Variants in NUDT19 observed in about 807,000 individuals in gnomAD.
The protein encoded by NUDT19 is nudix hydrolase 19.
NUDT19 carries 31 observed loss-of-function variants against 22.2 expected under a neutral mutation model. That is an observed-to-expected ratio of 1.40 (90% CI 1.05 to 1.89). The LOEUF (loss-of-function observed/expected upper bound fraction) is 1.89, where lower values mean the gene tolerates loss of function less well. Ranked by LOEUF, NUDT19 falls within the 40% of genes most tolerant of loss-of-function variation. The probability of loss-of-function intolerance (pLI) is 0.00; values close to 1 mark genes in which losing one functional copy is unlikely to be tolerated. For missense variants in NUDT19, 752 were observed against 514.2 expected, an observed-to-expected ratio of 1.46 and a Z score of -4.47; for synonymous variants, 325 against 230.8, an observed-to-expected ratio of 1.41 and a Z score of -3.70.
At chr19:32,698,726 G>T (rs867831960) in intron 1 of NUDT19, among the ~76,000 whole-genome samples, 2 of 152,182 alleles carry the variant, frequency 1.3e-5, no homozygotes, top group Admixed American at 1.3e-4. Flanking sequence ...GTCAGATTTC[G>T]TGGCCCTTAC....
At position 32,708,099 on chromosome 19, in the gene NUDT19, A is replaced by G. The variant is rs568378276; in HGVS notation, c.715-1086A>G. On this transcript the variant is annotated intron_variant, in intron 1 of 2. Transcript: ENST00000397061. ...GGGAAGTAGAGGTTGCAGTGAGCCA[A>G]GATTGCGCTACTGCACTCCAGCCTG... is the stretch of plus-strand genomic sequence containing the variant. Among the ~76,000 whole-genome samples, 7 of 150,356 alleles carry G rather than the reference A, an allele frequency of 4.7e-5. No homozygotes were observed. The East Asian group carries it at 1.4e-3, about 31-fold the overall frequency.
At chr19:32,709,143 T>C in intron 1 of NUDT19, 42 bp from the exon 2 acceptor site, 1 of 1,360,092 alleles carries the variant, frequency 7.4e-7, no homozygotes, top group Non-Finnish European at 1.1e-6. Context: ...TCACATTGTC[T>C]ATGGCATAAA....
rs770620811 is a variant in NUDT19, at chr19:32,692,499, G to T, written c.539G>T (p.Arg180Leu). ...CGCCAGGACCCGCGCCACTTCCTGC[G>T]GCTGTGCGCCCACCTCGACTGCACA... ...RVRQDPRHFL[R>L]LCAHLDCTPD... The change falls in exon 1 of 3, where the codon CGG becomes CTG. Residue 180 changes from arginine (R) to leucine (L), a missense_variant. Coordinates refer to ENST00000397061, the MANE Select transcript of NUDT19 (RefSeq NM_001105570.2). 1 of 1,556,280 alleles carries T rather than the reference G, an allele frequency of 6.4e-7. No homozygotes were observed. The highest frequency in any genetic ancestry group is 1.2e-5 in the South Asian group (1 of 85,186).
Position 32,692,007 on chromosome 19 carries a change from C to T in NUDT19, c.47C>T (p.Ala16Val), listed in dbSNP as rs1212312668. The change falls in exon 1 of 3, where the codon GCC becomes GTC. Residue 16 changes from alanine to valine, a missense_variant. Physicochemically the swap from Ala to Val is moderately conservative, Grantham distance 64 (BLOSUM62 0). Transcript: ENST00000397061. ...RPGPSRWRRA[A>V]SIVLAAGWSR... is the part of the protein sequence containing the mutation. Reference sequence around the variant, plus strand: ...GGCCCCAGCCGCTGGCGGCGGGCGGCCAGCATCGTCCTGGCGGCTGGCTGG... The same window carrying T: ...GGCCCCAGCCGCTGGCGGCGGGCGGTCAGCATCGTCCTGGCGGCTGGCTGG... The T allele has an allele frequency of 8.0e-7, 1 of 1,244,106 alleles. No homozygotes were observed. The highest frequency in any genetic ancestry group is 1.0e-6 in the Non-Finnish European group (1 of 997,402). The allele number at this position is 1,244,106 out of a possible 1,614,324, so 77.1% of individuals were successfully genotyped here.
intron 1 of NUDT19, among the ~76,000 whole-genome samples, chr19:32,693,734 CAG>C (rs1968232165): frequency 6.6e-6 from 1 of 152,164 alleles, no homozygotes; most frequent in Non-Finnish European, 1.5e-5. Context: ...TAGCTAGACA[CAG>C]AGCACTGATT....
At chr19:32,706,459 A>G (rs953452234) in intron 1 of NUDT19, among the ~76,000 whole-genome samples, 6 of 152,198 alleles carry the variant, frequency 3.9e-5, no homozygotes, top group African/African-American at 1.2e-4. Flanking sequence ...CGAGGCGGGC[A>G]GATTACCTGA....
In NUDT19 at chr19:32,693,547, G is replaced by A. The variant is rs56139414; in HGVS notation, c.714+873G>A. On this transcript the variant is annotated intron_variant, in intron 1 of 2. Coordinates refer to ENST00000397061, the MANE Select transcript of NUDT19 (RefSeq NM_001105570.2). ...CAGGTTGGGTGCTGGTGGCTGGGTG[G>A]CCAGCTTTTATTCCCTTATTTGGCC... 2.8e-3 allele frequency among the ~76,000 whole-genome samples: 432 copies of A among 152,242 alleles called. 1 individual carries two copies. The highest frequency in any genetic ancestry group is 0.01 in the Middle Eastern group (3 of 294).
chr19:32,713,762 A>G lies in NUDT19; in HGVS notation c.*1805A>G, dbSNP rs1968472320. On this transcript the variant is annotated 3_prime_UTR_variant, in exon 3 of 3. Transcript: ENST00000397061. ...ATTTTCCTACTATAACATAAAGACA[A>G]TGATGAATAAAGTTTATGTGTATGA... 6.6e-6 allele frequency: 1 copy of G among 152,200 alleles called. No homozygotes were observed. Among genetic ancestry groups the G allele is most frequent in the Non-Finnish European group, 1.5e-5 (1 of 68,048 alleles). 9.4% of individuals were successfully genotyped at this position (152,200 alleles called of 1,614,324 possible).
chr19:32,709,183 A>T lies in NUDT19; in HGVS notation c.715-2A>T, dbSNP rs371205946. On this transcript the variant is annotated splice_acceptor_variant, in intron 1 of 2. Coordinates refer to ENST00000397061, the MANE Select transcript of NUDT19 (RefSeq NM_001105570.2). LOFTEE classifies it high-confidence loss of function. ...AAGAAACCCTGCCTTTGTCTTTCAC[A>T]GTGGTCATCTCCATCAGAGGCAACT... The T allele has an allele frequency of 4.7e-5, 75 of 1,607,972 alleles. No individual in the cohort carries two copies. In the African/African-American group the frequency reaches 9.6e-4, roughly 21 times the overall value.
intron 2 of NUDT19, among the ~76,000 whole-genome samples, chr19:32,710,036 T>G (rs555118475): frequency 2.0e-5 from 3 of 151,986 alleles, no homozygotes; most frequent in African/African-American, 7.2e-5. Context: ...GCTTTTTTTT[T>G]GAGACAGAGT....
intron 1 of NUDT19, among the ~76,000 whole-genome samples, chr19:32,705,324 T>A (rs1968376573): frequency 6.7e-6 from 1 of 149,064 alleles, no homozygotes; most frequent in South Asian, 2.1e-4. Flanking sequence ...CTCTGGAGGC[T>A]GAAGCAGGAG....
chr19:32,700,631 T>C (rs1968325034), intron 1 of NUDT19, among the ~76,000 whole-genome samples: 3 of 152,186 alleles, frequency 2.0e-5, no homozygotes, highest in Admixed American at 1.3e-4. Flanking sequence ...GATCTCACTA[T>C]GTTGCTCAGG....
At chr19:32,700,247 G>T (rs1968320004) in intron 1 of NUDT19, among the ~76,000 whole-genome samples, 1 of 152,160 alleles carries the variant, frequency 6.6e-6, no homozygotes, top group South Asian at 2.1e-4. Flanking sequence ...CCATTTTACA[G>T]AGTGCTGAGT....
intron 1 of NUDT19, among the ~76,000 whole-genome samples, chr19:32,694,902 C>T (rs544525948): frequency 6.6e-6 from 1 of 152,332 alleles, no homozygotes; most frequent in East Asian, 1.9e-4. Context: ...TTCCTTATCA[C>T]GTACTGAGTA....
rs185004934 is a variant in NUDT19 at position 32,692,539 on chromosome 19, G to C, written c.579G>C (p.Ala193=). 831 of 1,591,454 alleles carry C rather than the reference G, an allele frequency of 5.2e-4. 2 individuals carry two copies. The African/African-American group carries it at 9.3e-3, about 18-fold the overall frequency. Residue 193 remains alanine (A), a synonymous_variant, in exon 1 of 3, where the codon GCG becomes GCC. Transcript: ENST00000397061. ...TCGACTGCACACCCGACATCTGGGC[G>C]CTGCACAACTGGAGCGCCTGGCTCA... ...AHLDCTPDIW[A]LHNWSAWLTP... is the part of the protein sequence containing the mutation.
At chr19:32,700,065 A>G (rs1489651472) in intron 1 of NUDT19, among the ~76,000 whole-genome samples, 1 of 152,240 alleles carries the variant, frequency 6.6e-6, no homozygotes, top group East Asian at 1.9e-4. Context: ...TGTAAACCCA[A>G]AGAGTGAGCA....
At chr19:32,694,671 A>G (rs1968242972) in intron 1 of NUDT19, among the ~76,000 whole-genome samples, 2 of 152,178 alleles carry the variant, frequency 1.3e-5, no homozygotes, top group African/African-American at 4.8e-5. Context: ...TACACTGTTA[A>G]CTTTTAGCAA....
chr19:32,706,023 G>C (rs1968383687), intron 1 of NUDT19, among the ~76,000 whole-genome samples: 1 of 152,106 alleles, frequency 6.6e-6, no homozygotes, highest in African/African-American at 2.4e-5. Context: ...TTAATCTTAA[G>C]GCTCTCAGGT....
chr19:32,692,350 G>A lies in NUDT19; in HGVS notation c.390G>A (p.Arg130=). 1 of 1,590,608 alleles carries A rather than the reference G, an allele frequency of 6.3e-7. No individual in the cohort carries two copies. The highest frequency in any genetic ancestry group is 8.5e-7 in the Non-Finnish European group (1 of 1,176,396). ...TAGCCTTCCGCATCTGCGCCGTGCGGGAGGCCTTTGAGGAGGCGGGCGTGC... is the reference window on the plus strand; with the variant it reads ...TAGCCTTCCGCATCTGCGCCGTGCGAGAGGCCTTTGAGGAGGCGGGCGTGC... ...EDVAFRICAV[R]EAFEEAGVLL... The change falls in exon 1 of 3, where the codon CGG becomes CGA. Residue 130 remains arginine (R), a synonymous_variant. Coordinates refer to ENST00000397061, the MANE Select transcript of NUDT19 (RefSeq NM_001105570.2).
Sources: allele counts gnomAD v4.1 joint callset (sites outside exome capture counted in the v4.1 genomes callset), GRCh38; gene constraint gnomAD v4.1.1; transcripts MANE v1.5; gene names NCBI Gene and HGNC (gene_info 2026-07-23, HGNC 2026-07-21).